The following RAD51B variants were observed in gnomAD, a reference collection of about 807,000 sequenced individuals.
RAD51B encodes the protein DNA repair protein RAD51 homolog 2.
A neutral mutation model predicts 42.2 loss-of-function variants in RAD51B; 38 were observed. The ratio of observed to expected loss-of-function variants is 0.90; its 90% CI spans 0.70 to 1.18. The LOEUF (loss-of-function observed/expected upper bound fraction) is 1.18. RAD51B is among the 50% of genes most tolerant of loss of function. RAD51B has a pLI of 0.00. For missense variants in RAD51B, 373 were observed against 400.7 expected (o/e 0.93, Z 0.59); for synonymous variants, 154 against 145.2 (o/e 1.06, Z -0.43).
At chr14:67,918,515 A>C (rs1173982946) in intron 7 of RAD51B, among the ~76,000 whole-genome samples, 2 of 152,216 alleles carry the variant, frequency 1.3e-5, no homozygotes, top group Non-Finnish European at 2.9e-5. Context: ...GATTACAGGC[A>C]TGAGCCACTG....
chr14:68,594,956 G>A (rs1890929151), exon 11 of RAD51B: 2 of 1,080,278 alleles, frequency 1.9e-6, no homozygotes, highest in Admixed American at 4.9e-5. Flanking sequence ...GTGAACTAAG[G>A]CACCCCGCCA....
At chr14:68,158,239 G>A (rs1314276649) in intron 7 of RAD51B, among the ~76,000 whole-genome samples, 1 of 152,108 alleles carries the variant, frequency 6.6e-6, no homozygotes, top group African/African-American at 2.4e-5. Context: ...ATAATGAGTT[G>A]GTAAGTGCTG....
intron 7 of RAD51B, among the ~76,000 whole-genome samples, chr14:68,081,931 T>C (rs2076918524): frequency 6.6e-6 from 1 of 152,178 alleles, no homozygotes. Context: ...AATTATGTGA[T>C]GTTTTGGCAA....
chr14:67,960,751 C>G (rs982504287), intron 7 of RAD51B, among the ~76,000 whole-genome samples: 5 of 152,120 alleles, frequency 3.3e-5, no homozygotes, highest in African/African-American at 1.2e-4. Context: ...TCACTGCAGC[C>G]TCAAATTACT....
At chr14:68,230,979 C>G (rs2080137889) in intron 7 of RAD51B, among the ~76,000 whole-genome samples, 1 of 152,166 alleles carries the variant, frequency 6.6e-6, no homozygotes, top group Non-Finnish European at 1.5e-5. Flanking sequence ...TACTTTCTCA[C>G]TTTTGAGTTG....
chr14:68,335,805 CT>C (rs922528041), intron 8 of RAD51B, among the ~76,000 whole-genome samples: 2 of 152,186 alleles, frequency 1.3e-5, no homozygotes, highest in African/African-American at 4.8e-5. Flanking sequence ...TCTACAGAGC[CT>C]TCCCCATGGA....
intron 10 of RAD51B, among the ~76,000 whole-genome samples, chr14:68,518,219 C>T (rs1413916747): frequency 6.6e-6 from 1 of 152,186 alleles, no homozygotes; most frequent in Non-Finnish European, 1.5e-5. Flanking sequence ...ACTTAGAGCA[C>T]AACAGGGCGG....
chr14:68,281,937 G>T (rs2081326059), intron 7 of RAD51B, among the ~76,000 whole-genome samples: 1 of 151,630 alleles, frequency 6.6e-6, no homozygotes, highest in Admixed American at 6.6e-5. Context: ...TGGCAGTAGG[G>T]CTTGTGCCTC....
chr14:67,930,357 CCCTT>C (rs2044683600), intron 7 of RAD51B, among the ~76,000 whole-genome samples: 1 of 151,276 alleles, frequency 6.6e-6, no homozygotes. Flanking sequence ...TTTTTCCACT[CCCTT>C]GAGCATTTCT....
intron 10 of RAD51B, among the ~76,000 whole-genome samples, chr14:68,649,890 T>A (rs974977915): frequency 1.3e-5 from 2 of 152,180 alleles, no homozygotes; most frequent in African/African-American, 2.4e-5. Flanking sequence ...TAATAACACT[T>A]CTCAGGACAC....
At chr14:68,591,510 T>TGATAATCA (rs1890739162) in intron 10 of RAD51B, among the ~76,000 whole-genome samples, 1 of 152,250 alleles carries the variant, frequency 6.6e-6, no homozygotes, top group Non-Finnish European at 1.5e-5. Flanking sequence ...TATGATGCTA[T>TGATAATCA]GATAATCGAT....
At chr14:68,398,082 T>C (rs926924147) in intron 8 of RAD51B, among the ~76,000 whole-genome samples, 3 of 152,208 alleles carry the variant, frequency 2.0e-5, no homozygotes, top group Admixed American at 6.5e-5. Context: ...AAGGTGATAA[T>C]TGAAAGCATT....
At chr14:68,065,062 G>C (rs1050375085) in intron 7 of RAD51B, among the ~76,000 whole-genome samples, 1 of 152,158 alleles carries the variant, frequency 6.6e-6, no homozygotes, top group African/African-American at 2.4e-5. Context: ...GTTGATATCT[G>C]TGCATCTGGT....
chr14:68,127,453 C>T (rs1425997981), intron 7 of RAD51B, among the ~76,000 whole-genome samples: 1 of 152,048 alleles, frequency 6.6e-6, no homozygotes. Context: ...CATAATGCTG[C>T]AACACAGAGT....
intron 8 of RAD51B, among the ~76,000 whole-genome samples, chr14:68,366,515 T>C (rs150197403): frequency 6.2e-4 from 95 of 152,336 alleles, no homozygotes; most frequent in African/African-American, 1.3e-3. Flanking sequence ...GTACAGACTA[T>C]GCTTAGTCTG....
At chr14:68,535,123 C>T (rs1047069628) in intron 10 of RAD51B, among the ~76,000 whole-genome samples, 1 of 152,118 alleles carries the variant, frequency 6.6e-6, no homozygotes, top group Admixed American at 6.5e-5. Flanking sequence ...CAAATTACCT[C>T]ACCTTTTCAT....
intron 7 of RAD51B, among the ~76,000 whole-genome samples, chr14:67,937,592 G>A (rs1430604216): frequency 1.3e-5 from 2 of 152,174 alleles, no homozygotes; most frequent in Non-Finnish European, 2.9e-5. Flanking sequence ...GGGAAGGCAG[G>A]TAGAGAAAAT....
chr14:68,457,461 A>G (rs2085726392), intron 9 of RAD51B, among the ~76,000 whole-genome samples: 1 of 152,224 alleles, frequency 6.6e-6, no homozygotes. Context: ...TATTGCATGT[A>G]TATTATACCT....
chr14:68,158,547 A>C (rs1396410041), intron 7 of RAD51B, among the ~76,000 whole-genome samples: 1 of 152,224 alleles, frequency 6.6e-6, no homozygotes, highest in Non-Finnish European at 1.5e-5. Flanking sequence ...GTCAGTTAAT[A>C]TACTTTAACA....
Sources: gnomAD v4.1 joint callset for allele counts (sites outside exome capture counted in the v4.1 genomes callset) on GRCh38, gnomAD v4.1.1 for gene constraint, MANE v1.5 for transcripts, NCBI Gene and HGNC (gene_info 2026-07-23, HGNC 2026-07-21) for gene names.